MACC1: variants seen among roughly 807,000 people sequenced by gnomAD.
The protein encoded by MACC1 is MET transcriptional regulator MACC1, also known as metastasis-associated in colon cancer protein 1.
Under a neutral mutation model 70.7 loss-of-function variants are expected in MACC1, and 79 were observed. The observed-to-expected ratio is 1.12, with a 90% confidence interval of 0.93 to 1.35. MACC1 has a LOEUF of 1.35. Among genes scored for constraint, MACC1 ranks in the 40% most tolerant of loss-of-function variants. MACC1 has a pLI of 0.00. For synonymous variants in MACC1, 361 were observed against 347.2 expected (o/e 1.04, Z -0.44); for missense variants, 1,106 against 978.1 (o/e 1.13, Z -1.74).
intron 1 of MACC1, among the ~76,000 whole-genome samples, chr7:20,172,454 G>T (rs1186772495): frequency 6.6e-6 from 1 of 151,950 alleles, no homozygotes; most frequent in Non-Finnish European, 1.5e-5. Flanking sequence ...CATCATGAGG[G>T]AGAAAATAAA....
chr7:20,145,192 T>A (rs1781871588), intron 6 of MACC1, among the ~76,000 whole-genome samples: 1 of 152,210 alleles, frequency 6.6e-6, no homozygotes, highest in Non-Finnish European at 1.5e-5. Flanking sequence ...AGTGTAACAC[T>A]GAGGACTTCC....
rs1562576802 is a variant in MACC1, at chr7:20,138,179, A to AAAAC, written c.*2766_*2767insGTTT. On this transcript the variant is annotated 3_prime_UTR_variant, in exon 7 of 7. Transcript: ENST00000400331. Reference sequence around the variant, plus strand: ...AAAAAAAAAAAAAAAAAAAAAAAAAAAAATTTCCCCTGGAAGGATTTGTTA... The same window carrying AAAAC: ...AAAAAAAAAAAAAAAAAAAAAAAAAAAAACAAATTTCCCCTGGAAGGATTTGTTA... 1 of 139,362 alleles carries AAAAC rather than the reference A, an allele frequency of 7.2e-6. No homozygotes were observed. The highest frequency in any genetic ancestry group is 1.6e-5 in the Non-Finnish European group (1 of 64,310). 8.6% of individuals were successfully genotyped at this position (139,362 alleles called of 1,614,324 possible). A position where few individuals can be genotyped will look rare whatever the true frequency, so the allele number is the denominator to read the frequency against.
At chr7:20,206,091 G>C (rs1288866660) in intron 1 of MACC1, among the ~76,000 whole-genome samples, 2 of 151,322 alleles carry the variant, frequency 1.3e-5, no homozygotes, top group African/African-American at 2.4e-5. Context: ...TCATCTGCTT[G>C]GTAAATCCAC....
chr7:20,157,722 G>T (rs34889781), intron 5 of MACC1, among the ~76,000 whole-genome samples: 3 of 145,366 alleles, frequency 2.1e-5, no homozygotes, highest in Admixed American at 7.0e-5. Flanking sequence ...AGCTGTGATC[G>T]TGCCACTGCA....
At chr7:20,182,357 A>C (rs1171456612) in intron 1 of MACC1, among the ~76,000 whole-genome samples, 2 of 152,188 alleles carry the variant, frequency 1.3e-5, no homozygotes, top group East Asian at 3.9e-4. Context: ...TAATAAAATT[A>C]GTGATAAATC....
At chr7:20,204,971 T>A (rs1038594843) in intron 1 of MACC1, among the ~76,000 whole-genome samples, 1 of 152,204 alleles carries the variant, frequency 6.6e-6, no homozygotes, top group African/African-American at 2.4e-5. Flanking sequence ...GGATCTATAA[T>A]TAAATTTAGA....
rs527794251 is a variant in MACC1, at chr7:20,168,050, T to G, written c.-153+2664A>C. Among the ~76,000 whole-genome samples, 6 of 152,348 alleles carry G rather than the reference T, an allele frequency of 3.9e-5. No homozygotes were observed. The South Asian group carries it at 1.2e-3, about 32-fold the overall frequency. On this transcript the variant is annotated intron_variant, in intron 2 of 6. Coordinates refer to ENST00000400331, the MANE Select transcript of MACC1 (RefSeq NM_182762.4). ...TTATTTTGGATGAAGAATGCTCATCTTACAGATGATGAACCAAGCTGCAGA... is the reference window on the plus strand; with the variant it reads ...TTATTTTGGATGAAGAATGCTCATCGTACAGATGATGAACCAAGCTGCAGA...
chr7:20,157,722 G>A lies in MACC1; in HGVS notation c.2157+482C>T, dbSNP rs34889781. Among the ~76,000 whole-genome samples the A allele has an allele frequency of 7.2e-3, 1,045 of 145,400 alleles. 9 individuals are homozygous for A. The highest frequency in any genetic ancestry group is 0.011 in the Non-Finnish European group (727 of 66,974). On this transcript the variant is annotated intron_variant, in intron 5 of 6. Transcript: ENST00000400331. ...GTTGAAACTGCAGTGAGCTGTGATC[G>A]TGCCACTGCACTCCAGCCTGGGCAA...
chr7:20,201,678 G>C (rs910975272), intron 1 of MACC1, among the ~76,000 whole-genome samples: 4 of 151,848 alleles, frequency 2.6e-5, no homozygotes, highest in African/African-American at 9.7e-5. Context: ...CAAAGAGCAA[G>C]GGCAGTGGCC....
chr7:20,173,566 C>T (rs1286723083), intron 1 of MACC1, among the ~76,000 whole-genome samples: 1 of 152,158 alleles, frequency 6.6e-6, no homozygotes, highest in East Asian at 1.9e-4. Context: ...TTGCCTTTGG[C>T]ATAAGTCCTT....
chr7:20,154,518 T>C (rs1782027956), intron 5 of MACC1, 137 bp from the exon 6 acceptor site: 2 of 883,378 alleles, frequency 2.3e-6, no homozygotes, highest in Admixed American at 5.9e-5. Flanking sequence ...TTTCTAAAGC[T>C]CAAGGAGTTG....
rs550394659 is a variant in MACC1, at chr7:20,139,978, C to T, written c.*968G>A. 3 of 152,028 alleles carry T rather than the reference C, an allele frequency of 2.0e-5. No homozygotes were observed. The highest frequency in any genetic ancestry group is 2.9e-5 in the Non-Finnish European group (2 of 68,002). 9.4% of individuals were successfully genotyped at this position (152,028 alleles called of 1,614,324 possible). The stretch of plus-strand genomic sequence containing the variant: ...TTCTGGTGGTGGTGGTTTTTAATAA[C>T]TCGTATTATTAAAAATCTCCAAGAG... On this transcript the variant is annotated 3_prime_UTR_variant, in exon 7 of 7. Transcript: ENST00000400331.
At chr7:20,178,279 ACACACACAC>A in intron 1 of MACC1, among the ~76,000 whole-genome samples, 1 of 151,902 alleles carries the variant, frequency 6.6e-6, no homozygotes, top group African/African-American at 2.4e-5. Flanking sequence ...ACACACACAC[ACACACACAC>A]ACACACACAC....
At position 20,140,884 on chromosome 7, in the gene MACC1, GAC is replaced by G. The variant is rs55989776; in HGVS notation, c.*60_*61del. The stretch of plus-strand genomic sequence containing the variant: ...ACAGAGACACACACAGACACACACA[GAC>G]ACACACACACACACACCATTACCTC... On this transcript the variant is annotated 3_prime_UTR_variant, in exon 7 of 7. Coordinates refer to ENST00000400331, the MANE Select transcript of MACC1 (RefSeq NM_182762.4). 3.7e-3 allele frequency: 3,540 copies of G among 960,832 alleles called. 4 individuals are homozygous for G. The highest frequency in any genetic ancestry group is 8.7e-3 in the African/African-American group (507 of 58,216). The allele number at this position is 960,832 out of a possible 1,614,324, so 59.5% of individuals were successfully genotyped here.
At chr7:20,167,285 TC>T (rs2128103892) in intron 2 of MACC1, among the ~76,000 whole-genome samples, 1 of 151,970 alleles carries the variant, frequency 6.6e-6, no homozygotes, top group South Asian at 2.1e-4. Context: ...AACCTCCACC[TC>T]CCGGGTTCAA....
At chr7:20,207,297 C>G (rs934917658) in intron 1 of MACC1, among the ~76,000 whole-genome samples, 1 of 151,644 alleles carries the variant, frequency 6.6e-6, no homozygotes, top group African/African-American at 2.4e-5. Context: ...TGTGCCACCC[C>G]ATGTCTGGTT....
chr7:20,178,612 T>C (rs1241890063), intron 1 of MACC1, among the ~76,000 whole-genome samples: 1 of 152,210 alleles, frequency 6.6e-6, no homozygotes. Flanking sequence ...TGTTTTTGTT[T>C]TTTTGAGATG....
chr7:20,178,426 G>A (rs192955796), intron 1 of MACC1, among the ~76,000 whole-genome samples: 1 of 152,230 alleles, frequency 6.6e-6, no homozygotes, highest in African/African-American at 2.4e-5. Flanking sequence ...ACATTTTGAA[G>A]ACATTATTTC....
rs745809771 is a variant in MACC1, at chr7:20,158,587, A to G, written c.1774T>C (p.Ser592Pro). Residue 592 changes from serine (S) to proline (P), a missense_variant, in exon 5 of 7, where the codon TCC becomes CCC. Coordinates refer to ENST00000400331, the MANE Select transcript of MACC1 (RefSeq NM_182762.4). ...GEGKVKAIGQ[S>P]KVKEWYVGVL... is the part of the protein sequence containing the mutation. Reference sequence around the variant, plus strand: ...CCTACATACCATTCTTTCACTTTGGACTGACCAATAGCTTTTACCTTACCT... The same window carrying G: ...CCTACATACCATTCTTTCACTTTGGGCTGACCAATAGCTTTTACCTTACCT... 49 of 1,613,896 alleles carry G rather than the reference A, an allele frequency of 3.0e-5. No homozygotes were observed. In the South Asian group the frequency reaches 5.1e-4, roughly 17 times the overall value.
Sources: gnomAD v4.1 joint callset for allele counts (sites outside exome capture counted in the v4.1 genomes callset) on GRCh38, gnomAD v4.1.1 for gene constraint, MANE v1.5 for transcripts, NCBI Gene and HGNC (gene_info 2026-07-23, HGNC 2026-07-21) for gene names.